CNTNAP2: variants seen among roughly 807,000 people sequenced by gnomAD.
CNTNAP2 encodes the protein contactin-associated protein-like 2.
In CNTNAP2, 98 loss-of-function variants were observed where a neutral mutation model predicts 155.2. That is an observed-to-expected ratio of 0.63 (90% confidence interval 0.54 to 0.75). The LOEUF is 0.75. CNTNAP2 is among the 30% of genes least tolerant of loss of function. The pLI, the probability that CNTNAP2 is intolerant of heterozygous loss-of-function variation, is 0.00. For synonymous variants in CNTNAP2, 651 were observed against 631.2 expected (o/e 1.03, Z -0.47); for missense variants, 1,727 against 1,688.1 (o/e 1.02, Z -0.40).
At chr7:147,030,283 G>A (rs986944469) in intron 3 of CNTNAP2, among the ~76,000 whole-genome samples, 27 of 152,096 alleles carry the variant, frequency 1.8e-4, no homozygotes, top group Non-Finnish European at 7.4e-5. Flanking sequence ...CATTCTTTAT[G>A]TAGCATAGTT....
chr7:148,316,997 C>G (rs995741628), intron 21 of CNTNAP2, among the ~76,000 whole-genome samples: 2 of 152,156 alleles, frequency 1.3e-5, no homozygotes, highest in African/African-American at 2.4e-5. Context: ...CCATAGGTCC[C>G]AAATGTATTT....
At chr7:147,026,129 G>A (rs1018532868) in intron 3 of CNTNAP2, among the ~76,000 whole-genome samples, 11 of 152,156 alleles carry the variant, frequency 7.2e-5, no homozygotes, top group South Asian at 4.2e-4. Context: ...CAAAGTGCTG[G>A]GTGCCACCGT....
chr7:146,154,997 A>T (rs971427195), intron 1 of CNTNAP2, among the ~76,000 whole-genome samples: 1 of 152,218 alleles, frequency 6.6e-6, no homozygotes, highest in African/African-American at 2.4e-5. Flanking sequence ...ACAGGAACAG[A>T]TAATATTTAT....
chr7:147,268,576 C>T (rs914498936), intron 8 of CNTNAP2, among the ~76,000 whole-genome samples: 14 of 152,174 alleles, frequency 9.2e-5, no homozygotes, highest in African/African-American at 1.7e-4. Flanking sequence ...AGATTGATGG[C>T]TGCAGCAAAC....
At chr7:147,701,233 A>G (rs1289588730) in intron 13 of CNTNAP2, among the ~76,000 whole-genome samples, 1 of 152,176 alleles carries the variant, frequency 6.6e-6, no homozygotes, top group East Asian at 1.9e-4. Flanking sequence ...TTCATGTAAA[A>G]TGACCCTAGT....
intron 1 of CNTNAP2, among the ~76,000 whole-genome samples, chr7:146,666,850 T>G (rs532410404): frequency 6.6e-6 from 1 of 152,134 alleles, no homozygotes; most frequent in Non-Finnish European, 1.5e-5. Context: ...TTTTGCTGTT[T>G]AGATGTTTGA....
intron 12 of CNTNAP2, among the ~76,000 whole-genome samples, chr7:147,609,940 G>A (rs758713797): frequency 3.3e-5 from 5 of 152,078 alleles, no homozygotes; most frequent in Non-Finnish European, 5.9e-5. Flanking sequence ...TAGTCTGAGT[G>A]CAGGGTTCAC....
intron 8 of CNTNAP2, among the ~76,000 whole-genome samples, chr7:147,285,608 G>T (rs965496701): frequency 8.6e-5 from 13 of 151,762 alleles, no homozygotes; most frequent in African/African-American, 3.1e-4. Flanking sequence ...AATACTTTTT[G>T]CATTGCATCT....
intron 14 of CNTNAP2, among the ~76,000 whole-genome samples, chr7:147,923,835 A>G (rs1457122010): frequency 1.3e-5 from 2 of 152,056 alleles, no homozygotes; most frequent in Non-Finnish European, 2.9e-5. Flanking sequence ...GTAGCCTCCT[A>G]GAGCCTTCAG....
chr7:148,049,910 C>A (rs953555297), intron 15 of CNTNAP2, among the ~76,000 whole-genome samples: 2 of 152,158 alleles, frequency 1.3e-5, no homozygotes, highest in Non-Finnish European at 2.9e-5. Flanking sequence ...TGCCTGTAAT[C>A]CCAGCACTTT....
chr7:147,131,468 T>C (rs1027166132), intron 7 of CNTNAP2, among the ~76,000 whole-genome samples: 1 of 152,042 alleles, frequency 6.6e-6, no homozygotes, highest in Admixed American at 6.6e-5. Context: ...AATATTTTTT[T>C]CTTTTTTTTC....
chr7:146,867,048 A>C (rs1297146726), intron 3 of CNTNAP2, among the ~76,000 whole-genome samples: 2 of 152,114 alleles, frequency 1.3e-5, no homozygotes, highest in African/African-American at 4.8e-5. Context: ...TGGTGGGTAC[A>C]TGTGGAGGCT....
At chr7:147,722,130 A>G (rs1345365286) in intron 13 of CNTNAP2, among the ~76,000 whole-genome samples, 3 of 152,192 alleles carry the variant, frequency 2.0e-5, no homozygotes, top group Non-Finnish European at 2.9e-5. Context: ...GCCCCAAACC[A>G]TCAGCGTGCC....
At chr7:147,927,002 A>G (rs768838497) in intron 14 of CNTNAP2, among the ~76,000 whole-genome samples, 9 of 152,254 alleles carry the variant, frequency 5.9e-5, no homozygotes, top group Non-Finnish European at 1.3e-4. Context: ...ACATGTTTAA[A>G]TTGACATTCA....
intron 9 of CNTNAP2, among the ~76,000 whole-genome samples, chr7:147,333,961 C>G (rs1795622627): frequency 6.6e-6 from 1 of 152,138 alleles, no homozygotes; most frequent in African/African-American, 2.4e-5. Context: ...TCAAAGCAGA[C>G]TTGGATCCAT....
intron 8 of CNTNAP2, among the ~76,000 whole-genome samples, chr7:147,203,355 C>G (rs940681330): frequency 3.3e-5 from 5 of 152,056 alleles, no homozygotes; most frequent in Non-Finnish European, 7.4e-5. Flanking sequence ...AGCAATTCTC[C>G]CCAGTAGCTG....
chr7:146,859,901 G>C (rs1033983458), intron 3 of CNTNAP2, among the ~76,000 whole-genome samples: 4 of 152,064 alleles, frequency 2.6e-5, no homozygotes, highest in South Asian at 4.1e-4. Context: ...AAATATGAAA[G>C]AGAAAAATTT....
At chr7:146,294,814 G>C (rs1800486312) in intron 1 of CNTNAP2, among the ~76,000 whole-genome samples, 1 of 151,984 alleles carries the variant, frequency 6.6e-6, no homozygotes, top group South Asian at 2.1e-4. Context: ...AGTCATATTG[G>C]GATGCGATAT....
chr7:147,649,199 T>C (rs1324247426), intron 13 of CNTNAP2, among the ~76,000 whole-genome samples: 2 of 152,160 alleles, frequency 1.3e-5, no homozygotes, highest in African/African-American at 2.4e-5. Context: ...TGATTTTGTA[T>C]GTAGCTTAGT....
Sources: gnomAD v4.1 joint callset for allele counts (sites outside exome capture counted in the v4.1 genomes callset) on GRCh38, gnomAD v4.1.1 for gene constraint, MANE v1.5 for transcripts, NCBI Gene and HGNC (gene_info 2026-07-23, HGNC 2026-07-21) for gene names.